The following TRPM7 variants were observed in gnomAD, a reference collection of about 807,000 sequenced individuals.
TRPM7 encodes the protein transient receptor potential cation channel subfamily M member 7.
TRPM7 carries 134 observed loss-of-function variants against 229.7 expected under a neutral mutation model. That is an observed-to-expected ratio of 0.58 (90% CI 0.51 to 0.67). The LOEUF (loss-of-function observed/expected upper bound fraction) is 0.67. Ranked by LOEUF, TRPM7 falls within the 30% of genes least tolerant of loss-of-function variation. TRPM7 has a pLI of 0.00. For synonymous variants in TRPM7, 699 were observed against 715.2 expected, an observed-to-expected ratio of 0.98 and a Z score of 0.36; for missense variants, 1,901 against 2,210.0, an observed-to-expected ratio of 0.86 and a Z score of 2.80.
chr15:50,643,213 C>T lies in TRPM7; in HGVS notation c.535+127G>A, dbSNP rs28459169. The T allele has an allele frequency of 2.4e-3, 1,711 of 705,458 alleles. 28 individuals are homozygous for T. In the African/African-American group the frequency reaches 0.028, roughly 12 times the overall value. 43.7% of individuals were successfully genotyped at this position (705,458 alleles called of 1,614,324 possible). A position where few individuals can be genotyped will look rare whatever the true frequency, so the allele number is the denominator to read the frequency against. ...CTGAGGCAGGAGAATTGCTTGAGCCCGGGAGGCAGAGGTTGCAGTGAGCCG... is the reference window on the plus strand; with the variant it reads ...CTGAGGCAGGAGAATTGCTTGAGCCTGGGAGGCAGAGGTTGCAGTGAGCCG... On this transcript the variant is annotated intron_variant, in intron 5 of 38. Coordinates refer to ENST00000646667, the MANE Select transcript of TRPM7 (RefSeq NM_017672.6).
chr15:50,611,065 T>A (rs763205792), intron 17 of TRPM7, 28 bp downstream of exon 17: 1 of 1,538,006 alleles, frequency 6.5e-7, no homozygotes, highest in Non-Finnish European at 9.0e-7. Flanking sequence ...AATCACATGC[T>A]TTATATCAAA....
chr15:50,564,496 A>G (rs2053498824), intron 38 of TRPM7, among the ~76,000 whole-genome samples: 5 of 151,848 alleles, frequency 3.3e-5, no homozygotes, highest in Admixed American at 3.3e-4. Flanking sequence ...CAATGCAGTA[A>G]TATCAACATT....
At chr15:50,575,225 A>C (rs997785264) in intron 33 of TRPM7, 90 bp from the exon 34 acceptor site, 2 of 1,139,210 alleles carry the variant, frequency 1.8e-6, no homozygotes, top group African/African-American at 1.6e-5. Context: ...TCTTTGATTA[A>C]GGAACAGAAG....
chr15:50,663,356 C>A (rs1430579817), intron 1 of TRPM7, among the ~76,000 whole-genome samples: 1 of 152,176 alleles, frequency 6.6e-6, no homozygotes, highest in African/African-American at 2.4e-5. Flanking sequence ...TAACGCCCGA[C>A]CTCAGGTGAT....
chr15:50,593,504 G>A, intron 25 of TRPM7, 113 bp downstream of exon 25: 1 of 1,143,254 alleles, frequency 8.7e-7, no homozygotes, highest in Non-Finnish European at 1.3e-6. Flanking sequence ...ATGTAAAACT[G>A]TAACTATGCT....
At chr15:50,616,446 G>A (rs902980708) in intron 13 of TRPM7, among the ~76,000 whole-genome samples, 1 of 152,074 alleles carries the variant, frequency 6.6e-6, no homozygotes. Context: ...GAAGGAGGGG[G>A]AATTTTAATT....
At chr15:50,618,119 A>G (rs2060279754) in intron 13 of TRPM7, among the ~76,000 whole-genome samples, 1 of 152,192 alleles carries the variant, frequency 6.6e-6, no homozygotes, top group Admixed American at 6.5e-5. Context: ...TTGAATACCA[A>G]TAATATAAAT....
At chr15:50,632,304 AT>A (rs1005697322) in intron 9 of TRPM7, among the ~76,000 whole-genome samples, 4 of 149,912 alleles carry the variant, frequency 2.7e-5, no homozygotes, top group South Asian at 2.1e-4. Context: ...AAAAAAAAAA[AT>A]AAATAAAAAT....
At chr15:50,578,527 C>T (rs2054245757) in intron 31 of TRPM7, 112 bp downstream of exon 31, 1 of 1,046,848 alleles carries the variant, frequency 9.6e-7, no homozygotes, top group African/African-American at 1.6e-5. Flanking sequence ...AATACCTTGG[C>T]TTTTTCTAGC....
intron 14 of TRPM7, 33 bp downstream of exon 14, chr15:50,614,090 A>G (rs913649093): frequency 6.5e-7 from 1 of 1,550,126 alleles, no homozygotes; most frequent in Non-Finnish European, 8.7e-7. Context: ...ATATTAAAGC[A>G]TATATATAGA....
At chr15:50,656,679 C>A (rs1596318925) in intron 3 of TRPM7, among the ~76,000 whole-genome samples, 1 of 151,998 alleles carries the variant, frequency 6.6e-6, no homozygotes, top group African/African-American at 2.4e-5. Context: ...CCTTGAAAAA[C>A]TCTTCAATAT....
chr15:50,678,418 A>G (rs2062149003), intron 1 of TRPM7, among the ~76,000 whole-genome samples: 1 of 151,122 alleles, frequency 6.6e-6, no homozygotes, highest in South Asian at 2.1e-4. Flanking sequence ...TGTTGAAATA[A>G]GCTGGCACTC....
chr15:50,569,846 C>G (rs114188943), intron 38 of TRPM7, 41 bp downstream of exon 38: 1 of 1,371,596 alleles, frequency 7.3e-7, no homozygotes, highest in Admixed American at 2.1e-5. Context: ...AACCAAGTTT[C>G]GTAACAATTT....
chr15:50,685,230 A>G (rs541448046), intron 1 of TRPM7, among the ~76,000 whole-genome samples: 1 of 152,328 alleles, frequency 6.6e-6, no homozygotes, highest in South Asian at 2.1e-4. Flanking sequence ...TGGGGGGCTG[A>G]GGCGGGCGGA....
intron 13 of TRPM7, among the ~76,000 whole-genome samples, chr15:50,616,303 G>A (rs2060220390): frequency 6.6e-6 from 1 of 151,970 alleles, no homozygotes; most frequent in African/African-American, 2.4e-5. Flanking sequence ...AAAAAATAGG[G>A]CTTATTATTA....
intron 21 of TRPM7, chr15:50,599,524 G>C: frequency 2.7e-6 from 1 of 368,160 alleles, no homozygotes; most frequent in East Asian, 4.2e-5. Flanking sequence ...GCAAGTCATG[G>C]GCATCTTTAT....
intron 30 of TRPM7, 63 bp downstream of exon 30, chr15:50,580,811 A>G (rs1446493604): frequency 1.2e-5 from 18 of 1,487,222 alleles, no homozygotes; most frequent in Non-Finnish European, 9.1e-6. Flanking sequence ...AAGAGCAGGA[A>G]AAAAGACAAC....
At position 50,609,793 on chromosome 15, in the gene TRPM7, T is replaced by C. The variant is rs769288862; in HGVS notation, c.2436+13A>G. Reference sequence around the variant, plus strand: ...ACAAACTTATATTTACTTTAAAATGTTTTCCTGCTTACCATGGGGATCTCT... The same window carrying C: ...ACAAACTTATATTTACTTTAAAATGCTTTCCTGCTTACCATGGGGATCTCT... On this transcript the variant is annotated intron_variant, in intron 18 of 38. Transcript: ENST00000646667. 1 of 1,603,364 alleles carries C rather than the reference T, an allele frequency of 6.2e-7. No homozygotes were observed. Among genetic ancestry groups the C allele is most frequent in the Non-Finnish European group, 8.5e-7 (1 of 1,176,736 alleles).
At chr15:50,619,507 C>T (rs1420533891) in intron 13 of TRPM7, among the ~76,000 whole-genome samples, 2 of 152,110 alleles carry the variant, frequency 1.3e-5, no homozygotes, top group Non-Finnish European at 2.9e-5. Flanking sequence ...CAGGTTTGAG[C>T]CACCCATGCC....
Sources: allele counts gnomAD v4.1 joint callset (sites outside exome capture counted in the v4.1 genomes callset), GRCh38; gene constraint gnomAD v4.1.1; transcripts MANE v1.5; gene names NCBI Gene and HGNC (gene_info 2026-07-23, HGNC 2026-07-21).